GABRB3: variants seen among roughly 807,000 people sequenced by gnomAD.
GABRB3 encodes the protein gamma-aminobutyric acid receptor subunit beta-3.
Under a neutral mutation model 52.1 loss-of-function variants are expected in GABRB3, and 14 were observed. The ratio of observed to expected loss-of-function variants is 0.27; its 90% CI spans 0.18 to 0.42. GABRB3 has a LOEUF of 0.42. Ranked by LOEUF, GABRB3 falls within the 10% of genes least tolerant of loss-of-function variation. The pLI, the probability that GABRB3 is intolerant of heterozygous loss-of-function variation, is 1.00. For synonymous variants in GABRB3, 260 were observed against 232.3 expected (o/e 1.12, Z -1.08); for missense variants, 307 against 609.1 (o/e 0.50, Z 5.22).
chr15:26,761,616 G>T (rs567286414), intron 3 of GABRB3, among the ~76,000 whole-genome samples: 1 of 152,012 alleles, frequency 6.6e-6, no homozygotes, highest in African/African-American at 2.4e-5. Context: ...TATATTCAAA[G>T]ATGGAATGGG....
At chr15:26,736,861 C>T (rs1890077846) in intron 3 of GABRB3, among the ~76,000 whole-genome samples, 1 of 152,234 alleles carries the variant, frequency 6.6e-6, no homozygotes, top group South Asian at 2.1e-4. Context: ...GGGTCTGAAG[C>T]TGCTGGGTGA....
In GABRB3 at chr15:26,560,723, A is replaced by G. The variant is rs184924403; in HGVS notation, c.1080+209T>C. Among the ~76,000 whole-genome samples the G allele has an allele frequency of 4.6e-5, 7 of 152,314 alleles. No individual in the cohort carries two copies. The East Asian group carries it at 1.4e-3, about 29-fold the overall frequency. On this transcript the variant is annotated intron_variant, in intron 8 of 8. Coordinates refer to ENST00000311550, the MANE Select transcript of GABRB3 (RefSeq NM_000814.6). ...CAGTGAACTCTGGCCAGTCCTAGCTAGATGGCCAGGACTCCACTGGACTGG... is the reference window on the plus strand; with the variant it reads ...CAGTGAACTCTGGCCAGTCCTAGCTGGATGGCCAGGACTCCACTGGACTGG...
intron 3 of GABRB3, among the ~76,000 whole-genome samples, chr15:26,732,690 G>A (rs371987805): frequency 4.6e-5 from 7 of 150,878 alleles, no homozygotes; most frequent in Non-Finnish European, 7.4e-5. Flanking sequence ...GCCTCAGCCC[G>A]CTGAGTAGCT....
chr15:26,625,577 G>A (rs1054633688), intron 3 of GABRB3: 9 of 363,966 alleles, frequency 2.5e-5, no homozygotes, highest in African/African-American at 2.4e-4. Flanking sequence ...AAGCTCCAAG[G>A]ATTAAAGGAA....
At position 26,574,681 on chromosome 15, in the gene GABRB3, C is replaced by T. The variant is rs117071571; in HGVS notation, c.682+5638G>A. Reference sequence around the variant, plus strand: ...AATGATTCCACTGATATGAAATGTACTGAAGAGACAAATCCATAGAAGGAG... The same window carrying T: ...AATGATTCCACTGATATGAAATGTATTGAAGAGACAAATCCATAGAAGGAG... On this transcript the variant is annotated intron_variant, in intron 6 of 8. Transcript: ENST00000311550. Among the ~76,000 whole-genome samples the T allele has an allele frequency of 1.8e-3, 276 of 152,210 alleles. 6 individuals carry two copies. The East Asian group carries it at 0.035, about 19-fold the overall frequency.
chr15:26,709,773 T>G (rs751957821), intron 3 of GABRB3, among the ~76,000 whole-genome samples: 73 of 152,242 alleles, frequency 4.8e-4, no homozygotes, highest in African/African-American at 1.7e-3. Context: ...CACCTTGGCC[T>G]CCCAAAGTGC....
chr15:26,739,533 A>G (rs1479202921), intron 3 of GABRB3, among the ~76,000 whole-genome samples: 1 of 152,066 alleles, frequency 6.6e-6, no homozygotes, highest in Non-Finnish European at 1.5e-5. Context: ...ACCTTTCTAC[A>G]CCAAATATTC....
intron 3 of GABRB3, among the ~76,000 whole-genome samples, chr15:26,635,713 C>T (rs767741028): frequency 9.2e-5 from 14 of 152,068 alleles, no homozygotes; most frequent in Non-Finnish European, 1.9e-4. Context: ...AATTCAATTG[C>T]CCTTTGATTT....
chr15:26,675,395 G>C (rs956434681), intron 3 of GABRB3, among the ~76,000 whole-genome samples: 1 of 152,116 alleles, frequency 6.6e-6, no homozygotes, highest in African/African-American at 2.4e-5. Context: ...CCCGTTTAAA[G>C]ACTGGATGAC....
intron 3 of GABRB3, among the ~76,000 whole-genome samples, chr15:26,753,946 C>G (rs954816969): frequency 1.3e-5 from 2 of 152,004 alleles, no homozygotes; most frequent in African/African-American, 4.8e-5. Flanking sequence ...GCCTTGAGGA[C>G]AGAGAATGTT....
intron 4 of GABRB3, among the ~76,000 whole-genome samples, chr15:26,590,684 A>G (rs1458266919): frequency 2.0e-5 from 3 of 151,296 alleles, no homozygotes; most frequent in Non-Finnish European, 4.4e-5. Context: ...AAACACATTC[A>G]TAGAACTATC....
chr15:26,570,641 C>T (rs1351447911), intron 6 of GABRB3, among the ~76,000 whole-genome samples: 1 of 152,184 alleles, frequency 6.6e-6, no homozygotes, highest in East Asian at 1.9e-4. Flanking sequence ...AAGAGGTTCT[C>T]ACTGCCTCAA....
rs908582696 is a variant in GABRB3, at chr15:26,544,542, G to A, written c.*3251C>T. The stretch of plus-strand genomic sequence containing the variant: ...TTTCTAGTTCGTTTGAGATTCAGGG[G>A]AAATGGATGTCGCATGGTATAGACA... On this transcript the variant is annotated 3_prime_UTR_variant, in exon 9 of 9. Transcript: ENST00000311550. 2 of 152,194 alleles carry A rather than the reference G, an allele frequency of 1.3e-5. No homozygotes were observed. Among genetic ancestry groups the A allele is most frequent in the Non-Finnish European group, 2.9e-5 (2 of 68,048 alleles). The allele number at this position is 152,194 out of a possible 1,614,324, so 9.4% of individuals were successfully genotyped here.
rs549856710 is a variant in GABRB3 at position 26,666,698 on chromosome 15, T to C, written c.241-45164A>G. ...CCTATGTCACCTGCAGGACTCAGGA[T>C]ATCTACGGGAATGGAGGCCTGGGGC... On this transcript the variant is annotated intron_variant, in intron 3 of 8. Transcript: ENST00000311550. The C allele has an allele frequency of 2.6e-5, 4 of 152,400 alleles. No homozygotes were observed. The South Asian group carries it at 6.2e-4, about 24-fold the overall frequency. 9.4% of individuals were successfully genotyped at this position (152,400 alleles called of 1,614,324 possible). A position where few individuals can be genotyped will look rare whatever the true frequency, so the allele number is the denominator to read the frequency against.
intron 3 of GABRB3, among the ~76,000 whole-genome samples, chr15:26,661,951 C>T (rs1172252129): frequency 6.6e-6 from 1 of 152,070 alleles, no homozygotes; most frequent in South Asian, 2.1e-4. Flanking sequence ...AAAAATGTTG[C>T]ATTATATAAC....
intron 3 of GABRB3, among the ~76,000 whole-genome samples, chr15:26,625,844 T>A (rs913413650): frequency 6.6e-6 from 1 of 152,230 alleles, no homozygotes; most frequent in East Asian, 1.9e-4. Context: ...ACTGTTGATA[T>A]CGTTTACAGA....
intron 3 of GABRB3, among the ~76,000 whole-genome samples, chr15:26,654,669 G>C (rs79862613): frequency 2.0e-5 from 3 of 152,118 alleles, no homozygotes; most frequent in African/African-American, 7.2e-5. Flanking sequence ...GCTGACTTAA[G>C]AGAAGCATGT....
At chr15:26,664,753 G>A (rs1887658023) in intron 3 of GABRB3, among the ~76,000 whole-genome samples, 1 of 133,982 alleles carries the variant, frequency 7.5e-6, no homozygotes, top group African/African-American at 2.8e-5. Flanking sequence ...TGCTCAGGCT[G>A]GAGTGCAATG....
chr15:26,544,111 T>C lies in GABRB3; in HGVS notation c.*3682A>G, dbSNP rs1295440261. The C allele has an allele frequency of 2.0e-5, 3 of 152,488 alleles. No individual in the cohort carries two copies. The highest frequency in any genetic ancestry group is 7.2e-5 in the African/African-American group (3 of 41,452). The allele number at this position is 152,488 out of a possible 1,614,324, so 9.4% of individuals were successfully genotyped here. A position where few individuals can be genotyped will look rare whatever the true frequency, so the allele number is the denominator to read the frequency against. ...AAATGTTTCACCAATTGTTCAGTTT[T>C]GCTTACATAAAATGGCCAGAAATAT... On this transcript the variant is annotated 3_prime_UTR_variant, in exon 9 of 9. Transcript: ENST00000311550.
Sources: allele counts gnomAD v4.1 joint callset (sites outside exome capture counted in the v4.1 genomes callset), GRCh38; gene constraint gnomAD v4.1.1; transcripts MANE v1.5; gene names NCBI Gene and HGNC (gene_info 2026-07-23, HGNC 2026-07-21).